Variants in WDR7 observed in about 807,000 individuals in gnomAD.
WDR7 encodes WD repeat-containing protein 7.
Under a neutral mutation model 169.4 loss-of-function variants are expected in WDR7, and 46 were observed. The observed-to-expected ratio is 0.27, with a 90% CI of 0.21 to 0.35. The LOEUF (loss-of-function observed/expected upper bound fraction) is 0.35, where lower values mean the gene tolerates loss of function less well. Ranked by LOEUF, WDR7 falls within the 10% of genes least tolerant of loss-of-function variation. WDR7 has a pLI of 1.00. For missense variants in WDR7, 1,534 were observed against 1,859.3 expected, an observed-to-expected ratio of 0.83 and a Z score of 3.22; for synonymous variants, 612 against 666.8, an observed-to-expected ratio of 0.92 and a Z score of 1.27.
At chr18:56,854,098 C>T (rs1298050661) in intron 20 of WDR7, among the ~76,000 whole-genome samples, 1 of 152,154 alleles carries the variant, frequency 6.6e-6, no homozygotes, top group African/African-American at 2.4e-5. Context: ...GCAGTCGGCA[C>T]AGAAGCCTTC....
chr18:56,835,044 G>T (rs2045374681), intron 20 of WDR7, among the ~76,000 whole-genome samples: 1 of 152,126 alleles, frequency 6.6e-6, no homozygotes, highest in South Asian at 2.1e-4. Flanking sequence ...CTTTTCATCA[G>T]CCCTGACGTC....
At chr18:56,685,355 A>G (rs2025423031) in intron 5 of WDR7, among the ~76,000 whole-genome samples, 1 of 152,134 alleles carries the variant, frequency 6.6e-6, no homozygotes, top group Admixed American at 6.5e-5. Flanking sequence ...GAAAAATGTG[A>G]TTTTGCTTTT....
chr18:56,767,765 G>A (rs900136997), intron 16 of WDR7, among the ~76,000 whole-genome samples: 5 of 152,108 alleles, frequency 3.3e-5, no homozygotes, highest in Admixed American at 6.5e-5. Context: ...GGTAGAAATG[G>A]AAACAGGCTT....
intron 26 of WDR7, 120 bp downstream of exon 26, chr18:56,962,649 GGA>G: frequency 1.2e-6 from 1 of 858,286 alleles, no homozygotes; most frequent in Non-Finnish European, 1.9e-6. Context: ...AATGCTAAAG[GGA>G]TCAATAGTTT....
intron 19 of WDR7, among the ~76,000 whole-genome samples, chr18:56,788,722 C>T (rs541952824): frequency 6.6e-6 from 1 of 152,206 alleles, no homozygotes; most frequent in African/African-American, 2.4e-5. Context: ...TAAAATACCC[C>T]TTTTGTAATG....
At chr18:56,824,612 T>A (rs948445719) in intron 20 of WDR7, among the ~76,000 whole-genome samples, 5 of 152,216 alleles carry the variant, frequency 3.3e-5, no homozygotes, top group South Asian at 2.1e-4. Context: ...TCCCTGCCCA[T>A]CTTCTTAGTG....
At chr18:56,758,587 A>T (rs564255098) in intron 15 of WDR7, among the ~76,000 whole-genome samples, 9 of 152,352 alleles carry the variant, frequency 5.9e-5, no homozygotes, top group Admixed American at 5.9e-4. Context: ...AATATTGAAG[A>T]ACAAAGGGTT....
chr18:56,866,173 T>C (rs2045880469), intron 20 of WDR7, among the ~76,000 whole-genome samples: 1 of 152,180 alleles, frequency 6.6e-6, no homozygotes, highest in African/African-American at 2.4e-5. Flanking sequence ...TACTTAACTT[T>C]CCTTATCTAT....
At chr18:56,687,073 T>C in intron 7 of WDR7, 99 bp downstream of exon 7, 1 of 1,134,416 alleles carries the variant, frequency 8.8e-7, no homozygotes, top group Non-Finnish European at 1.2e-6. Context: ...GGTGCAAGAC[T>C]ATTTTCATCA....
chr18:56,825,908 A>G (rs1366807514), intron 20 of WDR7, among the ~76,000 whole-genome samples: 1 of 152,246 alleles, frequency 6.6e-6, no homozygotes, highest in Non-Finnish European at 1.5e-5. Context: ...ACACATAAAT[A>G]CACCAACACA....
chr18:56,738,359 A>G (rs948106443), intron 14 of WDR7, among the ~76,000 whole-genome samples: 17 of 152,120 alleles, frequency 1.1e-4, no homozygotes, highest in Admixed American at 1.1e-3. Flanking sequence ...CGTTTGAATC[A>G]GGAGTTGGAG....
intron 20 of WDR7, among the ~76,000 whole-genome samples, chr18:56,875,746 T>C (rs2046013376): frequency 6.6e-6 from 1 of 152,218 alleles, no homozygotes. Context: ...GCCCTTAAGT[T>C]CAATGAGGGC....
At chr18:56,786,422 G>A (rs540225740) in intron 19 of WDR7, among the ~76,000 whole-genome samples, 1 of 151,846 alleles carries the variant, frequency 6.6e-6, no homozygotes, top group South Asian at 2.1e-4. Flanking sequence ...CCAGCTACTC[G>A]GGAGGCTTAG....
intron 21 of WDR7, among the ~76,000 whole-genome samples, chr18:56,899,596 A>T (rs2046373814): frequency 6.6e-6 from 1 of 152,002 alleles, no homozygotes; most frequent in Admixed American, 6.6e-5. Context: ...GCACATGCCC[A>T]TTGCAATTAA....
chr18:57,023,294 C>G (rs1274271652), intron 27 of WDR7, among the ~76,000 whole-genome samples: 1 of 152,170 alleles, frequency 6.6e-6, no homozygotes, highest in Non-Finnish European at 1.5e-5. Flanking sequence ...TATCAGAATA[C>G]TTTTATATTA....
At chr18:56,907,181 A>G (rs973536604) in intron 21 of WDR7, among the ~76,000 whole-genome samples, 27 of 152,250 alleles carry the variant, frequency 1.8e-4, no homozygotes, top group Admixed American at 1.4e-3. Context: ...TTGGTAAAAA[A>G]AGTAAAACTG....
At chr18:56,768,013 T>G (rs188807222) in intron 16 of WDR7, among the ~76,000 whole-genome samples, 1 of 152,352 alleles carries the variant, frequency 6.6e-6, no homozygotes, top group East Asian at 1.9e-4. Flanking sequence ...ATTATGATTC[T>G]TAACAGTTGG....
chr18:56,666,319 T>C (rs2025023834), intron 1 of WDR7, among the ~76,000 whole-genome samples: 1 of 150,050 alleles, frequency 6.7e-6, no homozygotes, highest in African/African-American at 2.4e-5. Context: ...TTCTCCTGCC[T>C]TAGCCTTTCT....
Position 57,027,451 on chromosome 18 carries a change from T to G in WDR7, c.*244T>G. On this transcript the variant is annotated 3_prime_UTR_variant, in exon 28 of 28. Transcript: ENST00000254442. ...TGGCCATCCTGTCACCAGGTAGTTT[T>G]TCCCTGCCAGAGATGGCAGGGGAAA... The G allele has an allele frequency of 3.8e-6, 2 of 525,808 alleles. No homozygotes were observed. The highest frequency in any genetic ancestry group is 2.5e-5 in the South Asian group (1 of 39,466). 32.6% of individuals were successfully genotyped at this position (525,808 alleles called of 1,614,324 possible). A position where few individuals can be genotyped will look rare whatever the true frequency, so the allele number is the denominator to read the frequency against.
Sources: gnomAD v4.1 joint callset for allele counts (sites outside exome capture counted in the v4.1 genomes callset) on GRCh38, gnomAD v4.1.1 for gene constraint, MANE v1.5 for transcripts, NCBI Gene and HGNC (gene_info 2026-07-23, HGNC 2026-07-21) for gene names.